Variants in CNTNAP2 observed in about 807,000 individuals in gnomAD.
The protein encoded by CNTNAP2 is contactin associated protein 2, also known as contactin-associated protein-like 2.
CNTNAP2 carries 98 observed loss-of-function variants against 155.2 expected under a neutral mutation model. The observed-to-expected ratio is 0.63, with a 90% CI of 0.54 to 0.75. The LOEUF (loss-of-function observed/expected upper bound fraction) is 0.75, where lower values mean the gene tolerates loss of function less well. CNTNAP2 is among the 30% of genes least tolerant of loss of function. The pLI is 0.00. For missense variants in CNTNAP2, 1,727 were observed against 1,688.1 expected (o/e 1.02, Z -0.40); for synonymous variants, 651 against 631.2 (o/e 1.03, Z -0.47).
intron 15 of CNTNAP2, among the ~76,000 whole-genome samples, chr7:148,059,224 G>A (rs1803084074): frequency 6.6e-6 from 1 of 152,174 alleles, no homozygotes; most frequent in Admixed American, 6.6e-5. Flanking sequence ...AGACGTGGAG[G>A]TTGCAGTAAG....
intron 10 of CNTNAP2, among the ~76,000 whole-genome samples, chr7:147,433,354 C>A (rs1473725322): frequency 6.6e-6 from 1 of 152,074 alleles, no homozygotes. Flanking sequence ...AAAATTCTGC[C>A]TGAAACTGAT....
intron 20 of CNTNAP2, among the ~76,000 whole-genome samples, chr7:148,252,074 C>T (rs745368887): frequency 1.1e-4 from 16 of 152,210 alleles, no homozygotes; most frequent in Non-Finnish European, 2.1e-4. Context: ...CCTCATAGTC[C>T]TGATTAGGTT....
chr7:147,921,016 A>G (rs1800268624), intron 14 of CNTNAP2, among the ~76,000 whole-genome samples: 1 of 151,678 alleles, frequency 6.6e-6, no homozygotes, highest in African/African-American at 2.4e-5. Context: ...TCACCATGTT[A>G]GCCAGGATGG....
At chr7:146,793,687 G>A (rs566817248) in intron 2 of CNTNAP2, among the ~76,000 whole-genome samples, 6 of 152,338 alleles carry the variant, frequency 3.9e-5, no homozygotes, top group African/African-American at 1.4e-4. Context: ...CCCCCTGGGT[G>A]TCTGAAATGT....
chr7:147,440,317 A>G (rs935786729), intron 10 of CNTNAP2, among the ~76,000 whole-genome samples: 1 of 152,068 alleles, frequency 6.6e-6, no homozygotes, highest in African/African-American at 2.4e-5. Flanking sequence ...ACTTAACATC[A>G]TTTGCATAAA....
intron 3 of CNTNAP2, among the ~76,000 whole-genome samples, chr7:146,901,030 GTAATAATAA>G (rs66815254): frequency 2.0e-5 from 3 of 149,572 alleles, no homozygotes; most frequent in Admixed American, 6.7e-5. Flanking sequence ...GATTAAAGTA[GTAATAATAA>G]TAATAATAAT....
intron 9 of CNTNAP2, among the ~76,000 whole-genome samples, chr7:147,381,817 A>G (rs1796542106): frequency 6.6e-6 from 1 of 152,042 alleles, no homozygotes; most frequent in Non-Finnish European, 1.5e-5. Flanking sequence ...TTTAGTATAA[A>G]CATATTTTAT....
At chr7:146,938,105 G>C (rs1796962118) in intron 3 of CNTNAP2, among the ~76,000 whole-genome samples, 1 of 152,092 alleles carries the variant, frequency 6.6e-6, no homozygotes, top group African/African-American at 2.4e-5. Flanking sequence ...CTATAACAAA[G>C]ATAAGTGAAT....
At chr7:146,789,312 T>C (rs1022726071) in intron 2 of CNTNAP2, among the ~76,000 whole-genome samples, 2 of 152,216 alleles carry the variant, frequency 1.3e-5, no homozygotes, top group Non-Finnish European at 2.9e-5. Flanking sequence ...TTATAAAGCA[T>C]AACTAAAGTT....
intron 12 of CNTNAP2, among the ~76,000 whole-genome samples, chr7:147,578,430 A>T (rs1314697745): frequency 6.6e-6 from 1 of 152,090 alleles, no homozygotes; most frequent in East Asian, 1.9e-4. Context: ...GTGCCGGTTC[A>T]ATTTGTCTTT....
At chr7:148,389,503 G>A (rs1799298392) in intron 22 of CNTNAP2, 1 of 152,218 alleles carries the variant, frequency 6.6e-6, no homozygotes, top group East Asian at 1.9e-4. Context: ...CCAGTCTCAG[G>A]TATGTGTTTA....
intron 22 of CNTNAP2, among the ~76,000 whole-genome samples, chr7:148,400,912 A>G (rs2373364): frequency 0.56 from 85,115 of 151,666 alleles, 24,537 homozygotes; most frequent in African/African-American, 0.63. Context: ...CCCAGGAAGC[A>G]GAGGTTGCAG....
At chr7:146,401,158 A>G (rs1334346718) in intron 1 of CNTNAP2, among the ~76,000 whole-genome samples, 2 of 152,184 alleles carry the variant, frequency 1.3e-5, no homozygotes, top group African/African-American at 2.4e-5. Context: ...TCTTGAGTCT[A>G]TATAACTTTC....
intron 12 of CNTNAP2, among the ~76,000 whole-genome samples, chr7:147,586,930 C>G (rs968210739): frequency 6.6e-6 from 1 of 152,162 alleles, no homozygotes; most frequent in Non-Finnish European, 1.5e-5. Context: ...ATTACCCTTT[C>G]CAGCCACTGT....
At chr7:148,254,950 A>ATG (rs1460410343) in intron 20 of CNTNAP2, among the ~76,000 whole-genome samples, 10 of 152,130 alleles carry the variant, frequency 6.6e-5, no homozygotes, top group African/African-American at 2.4e-4. Flanking sequence ...AGTTATCAAA[A>ATG]TGTGTTTTTC....
intron 1 of CNTNAP2, among the ~76,000 whole-genome samples, chr7:146,472,307 T>C (rs1584941029): frequency 6.6e-6 from 1 of 152,334 alleles, no homozygotes; most frequent in African/African-American, 2.4e-5. Context: ...TTTTGTATAT[T>C]CTGCATCCAA....
chr7:146,716,007 C>T (rs957490670), intron 1 of CNTNAP2, among the ~76,000 whole-genome samples: 1 of 152,034 alleles, frequency 6.6e-6, no homozygotes, highest in Admixed American at 6.6e-5. Context: ...GAATGAGCAG[C>T]CGCCATAGGT....
intron 4 of CNTNAP2, among the ~76,000 whole-genome samples, chr7:147,098,881 GAAGTT>G (rs1044098086): frequency 4.6e-5 from 7 of 152,084 alleles, no homozygotes; most frequent in African/African-American, 1.7e-4. Context: ...TCTGAGCATT[GAAGTT>G]ATTTTATTTT....
intron 1 of CNTNAP2, among the ~76,000 whole-genome samples, chr7:146,375,111 C>G (rs975663578): frequency 6.6e-6 from 1 of 152,208 alleles, no homozygotes; most frequent in African/African-American, 2.4e-5. Context: ...AACAAAACTT[C>G]TTAAAGCAAT....
Sources: gnomAD v4.1 joint callset for allele counts (sites outside exome capture counted in the v4.1 genomes callset) on GRCh38, gnomAD v4.1.1 for gene constraint, MANE v1.5 for transcripts, NCBI Gene and HGNC (gene_info 2026-07-23, HGNC 2026-07-21) for gene names.